ARLN: variants seen among roughly 807,000 people sequenced by gnomAD.
The protein encoded by ARLN is sarcoplasmic/endoplasmic reticulum calcium ATPase regulator ARLN.
chr4:119,300,073 C>G, the ARLN span, among the ~76,000 whole-genome samples: 14 of 152,104 alleles, frequency 9.2e-5, no homozygotes, highest in Middle Eastern at 3.4e-3. Context: ...TGCAGGAACT[C>G]AAGCCTAGCT....
chr4:119,303,044 G>A, the ARLN span, among the ~76,000 whole-genome samples: 8 of 152,184 alleles, frequency 5.3e-5, no homozygotes, highest in South Asian at 1.5e-3. Context: ...TTTGGTTACT[G>A]TAATTTTCAT....
At chr4:119,300,843 T>C in the ARLN span, 2 of 1,429,860 alleles carry the variant, frequency 1.4e-6, no homozygotes, top group Non-Finnish European at 1.8e-6. Context: ...TTGGAAGAAA[T>C]ACGTTCTCGT....
the ARLN span, chr4:119,300,650 C>A: frequency 6.4e-7 from 1 of 1,568,304 alleles, no homozygotes; most frequent in Non-Finnish European, 8.6e-7. Context: ...CAGTGCGCCG[C>A]GCCCCGGGTT....
At chr4:119,302,357 C>A in the ARLN span, among the ~76,000 whole-genome samples, 1 of 152,190 alleles carries the variant, frequency 6.6e-6, no homozygotes, top group East Asian at 1.9e-4. Context: ...AAACTAAATT[C>A]AGTTGAAAGA....
At chr4:119,304,250 G>A in the ARLN span, 1 of 1,533,020 alleles carries the variant, frequency 6.5e-7, no homozygotes, top group South Asian at 1.2e-5. Flanking sequence ...CATACCAATT[G>A]TGAAAACTTC....
the ARLN span, among the ~76,000 whole-genome samples, chr4:119,301,076 G>A: frequency 6.6e-6 from 1 of 151,910 alleles, no homozygotes; most frequent in Admixed American, 6.6e-5. Context: ...ACGGGCCAGA[G>A]AGCAGCACGT....
the ARLN span, among the ~76,000 whole-genome samples, chr4:119,303,190 CATTTT>C: frequency 1.3e-5 from 2 of 150,520 alleles, no homozygotes; most frequent in African/African-American, 4.9e-5. Flanking sequence ...TCTTCTGGGT[CATTTT>C]ATTTATTCAT....
chr4:119,296,584 C>G, the ARLN span: 1 of 152,086 alleles, frequency 6.6e-6, no homozygotes, highest in African/African-American at 2.4e-5. Context: ...TGTCTGAAAG[C>G]CAGAGAATCA....
At chr4:119,296,604 A>G in the ARLN span, 1 of 152,190 alleles carries the variant, frequency 6.6e-6, no homozygotes, top group African/African-American at 2.4e-5. Context: ...AGGAGAACCA[A>G]TGTCCAAGGA....
chr4:119,301,405 C>T, the ARLN span, among the ~76,000 whole-genome samples: 1 of 151,782 alleles, frequency 6.6e-6, no homozygotes, highest in Admixed American at 6.6e-5. Context: ...CCAGCCTGGG[C>T]AACAGAGCGA....
the ARLN span, among the ~76,000 whole-genome samples, chr4:119,303,231 CTTT>C: frequency 0.017 from 1,867 of 111,308 alleles, 26 homozygotes; most frequent in African/African-American, 0.052. Context: ...CTCTTCAATT[CTTT>C]TTTTTTTTTT....
chr4:119,300,527 C>CA, the ARLN span: 2 of 1,614,156 alleles, frequency 1.2e-6, no homozygotes, highest in East Asian at 2.2e-5. Context: ...CCGGTGCGTC[C>CA]ACCTCCATCT....
chr4:119,303,016 C>T, the ARLN span, among the ~76,000 whole-genome samples: 1 of 152,244 alleles, frequency 6.6e-6, no homozygotes, highest in South Asian at 2.1e-4. Flanking sequence ...ATAGAATAAC[C>T]TCTCCAACAG....
At chr4:119,296,565 C>T in the ARLN span, 3 of 152,164 alleles carry the variant, frequency 2.0e-5, no homozygotes, top group Non-Finnish European at 4.4e-5. Flanking sequence ...AACCAGGGGC[C>T]CTGGTCCATG....
At chr4:119,300,739 A>C in the ARLN span, 3 of 1,510,056 alleles carry the variant, frequency 2.0e-6, no homozygotes, top group Non-Finnish European at 2.7e-6. Context: ...GACCGCTGGC[A>C]TGAAGCGCGG....
chr4:119,301,973 T>C, the ARLN span, among the ~76,000 whole-genome samples: 2 of 152,142 alleles, frequency 1.3e-5, no homozygotes, highest in Non-Finnish European at 2.9e-5. Flanking sequence ...TTAATTAGAT[T>C]GTGTGCTGTA....
chr4:119,302,669 T>G, the ARLN span, among the ~76,000 whole-genome samples: 1 of 152,354 alleles, frequency 6.6e-6, no homozygotes, highest in South Asian at 2.1e-4. Context: ...CATGTTCAAC[T>G]GAAAAATATG....
At chr4:119,298,086 G>T in the ARLN span, 7 of 151,832 alleles carry the variant, frequency 4.6e-5, no homozygotes, top group African/African-American at 1.7e-4. Context: ...AAAAAAAATA[G>T]GTTTGAAACA....
chr4:119,304,141 CA>C, the ARLN span: 1 of 755,040 alleles, frequency 1.3e-6, no homozygotes, highest in South Asian at 1.9e-5. Flanking sequence ...CTCACCTGTC[CA>C]AATCCTACTC....
Sources: allele counts gnomAD v4.1 joint callset (sites outside exome capture counted in the v4.1 genomes callset), GRCh38; gene constraint gnomAD v4.1.1; transcripts MANE v1.5; gene names NCBI Gene and HGNC (gene_info 2026-07-23, HGNC 2026-07-21).